MID1: variants seen among roughly 807,000 people sequenced by gnomAD.
MID1 encodes the protein E3 ubiquitin-protein ligase Midline-1.
In MID1, 7 loss-of-function variants were observed where a neutral mutation model predicts 40.4. That is an observed-to-expected ratio of 0.17 (90% CI 0.10 to 0.33). The LOEUF is 0.33. Ranked by LOEUF, MID1 falls within the 10% of genes least tolerant of loss-of-function variation. The probability of loss-of-function intolerance (pLI) is 1.00; values close to 1 mark genes in which losing one functional copy is unlikely to be tolerated. For synonymous variants in MID1, 229 were observed against 221.2 expected (o/e 1.04, Z -0.31); for missense variants, 367 against 558.5 (o/e 0.66, Z 3.46).
At chrX:10,499,052 TC>T (rs752914493) in intron 3 of MID1, among the ~76,000 whole-genome samples, 4 of 112,436 alleles carry the variant, frequency 3.6e-5, no homozygotes, top group Non-Finnish European at 7.5e-5. Context: ...TATTTTATAT[TC>T]CCATCAGAAA....
intron 1 of MID1, among the ~76,000 whole-genome samples, chrX:10,670,222 A>C (rs1039863342): frequency 8.9e-6 from 1 of 112,640 alleles, no homozygotes; most frequent in Non-Finnish European, 1.9e-5. Context: ...TACACAAATT[A>C]AAAAGCAAAC....
intron 1 of MID1, among the ~76,000 whole-genome samples, chrX:10,704,733 T>TACACAC (rs1477790300): frequency 6.1e-5 from 5 of 81,575 alleles, no homozygotes; most frequent in African/African-American, 2.4e-4. Context: ...TATATATATA[T>TACACAC]ATATATACAC....
intron 1 of MID1, among the ~76,000 whole-genome samples, chrX:10,734,963 G>A (rs1456000883): frequency 3.6e-5 from 4 of 112,200 alleles, no homozygotes; most frequent in Non-Finnish European, 7.5e-5. Flanking sequence ...TTCTCATAGT[G>A]ATGAATTGTC....
At chrX:10,608,188 G>A (rs768700624) in intron 1 of MID1, among the ~76,000 whole-genome samples, 1 of 112,219 alleles carries the variant, frequency 8.9e-6, no homozygotes, top group Non-Finnish European at 1.9e-5. Flanking sequence ...TCTGCAATAC[G>A]CTTTGGCAGT....
chrX:10,665,484 C>A (rs1041712954), intron 1 of MID1, among the ~76,000 whole-genome samples: 96 of 109,886 alleles, frequency 8.7e-4, no homozygotes, highest in Non-Finnish European at 4.7e-4. Flanking sequence ...GGCTTCGAGG[C>A]TGCAAACAGT....
rs1296170207 is a variant in MID1 at position 10,561,458 on chromosome X, C to T, written c.660+5430G>A. 1.9e-5 allele frequency among the ~76,000 whole-genome samples: 2 copies of T among 106,840 alleles called. 1 individual carries two copies. Among genetic ancestry groups the T allele is most frequent in the African/African-American group, 7.5e-5 (2 of 26,673 alleles). 92.8% of individuals were successfully genotyped at this position (106,840 alleles called of 115,157 possible). A position where few individuals can be genotyped will look rare whatever the true frequency, so the allele number is the denominator to read the frequency against. ...CCTACAGAATGGGAGAAAAATTTTA[C>T]AATCTACCCATCTGACAAAGGGCTA... On this transcript the variant is annotated intron_variant, in intron 2 of 9. Transcript: ENST00000317552.
intron 8 of MID1, 101 bp downstream of exon 8, chrX:10,459,545 A>AATG: frequency 1.1e-6 from 1 of 942,188 alleles, no homozygotes; most frequent in Non-Finnish European, 1.5e-6. Context: ...GGGGGCTGTC[A>AATG]ATGATACCCA....
At position 10,710,947 on chromosome X, in the gene MID1, G is replaced by A. The variant is rs764065690; in HGVS notation, c.-186-90528C>T. Among the ~76,000 whole-genome samples, 8 of 111,512 alleles carry A rather than the reference G, an allele frequency of 7.2e-5. No individual in the cohort carries two copies. The South Asian group carries it at 3.0e-3, about 42-fold the overall frequency. The stretch of plus-strand genomic sequence containing the variant: ...CTGGAAATATTGTCACCATAACTGT[G>A]GGAGACAGAAACCGGCCATGTCTTT... On this transcript the variant is annotated intron_variant, in intron 1 of 10. Coordinates refer to the MID1 transcript ENST00000380785.
At chrX:10,690,867 T>G (rs887135694) in intron 1 of MID1, among the ~76,000 whole-genome samples, 1 of 112,377 alleles carries the variant, frequency 8.9e-6, no homozygotes, top group Non-Finnish European at 1.9e-5. Flanking sequence ...GAAAGGACTC[T>G]CTTTTATTCT....
At chrX:10,814,925 T>C (rs1482783865) in intron 1 of MID1, among the ~76,000 whole-genome samples, 2 of 111,158 alleles carry the variant, frequency 1.8e-5, no homozygotes, top group Non-Finnish European at 3.8e-5. Context: ...AGATTACCAT[T>C]GTTGGTTTAA....
intron 5 of MID1, among the ~76,000 whole-genome samples, chrX:10,477,486 A>G (rs1217743320): frequency 8.9e-6 from 1 of 112,150 alleles, no homozygotes; most frequent in Non-Finnish European, 1.9e-5. Flanking sequence ...TGATGGAAGG[A>G]AAGATACTTA....
chrX:10,741,704 C>T (rs2043524499), intron 1 of MID1, among the ~76,000 whole-genome samples: 2 of 109,466 alleles, frequency 1.8e-5, no homozygotes, highest in South Asian at 7.8e-4. Flanking sequence ...GGGAAACATT[C>T]TAGTAAAGAA....
intron 1 of MID1, among the ~76,000 whole-genome samples, chrX:10,685,688 G>A (rs774788440): frequency 2.7e-5 from 3 of 111,297 alleles, no homozygotes; most frequent in East Asian, 2.8e-4. Context: ...CACGCTGTCC[G>A]TGCTTTGTTG....
intron 1 of MID1, among the ~76,000 whole-genome samples, chrX:10,568,681 A>G (rs2147471915): frequency 9.0e-6 from 1 of 110,639 alleles, no homozygotes; most frequent in African/African-American, 3.3e-5. Flanking sequence ...AGGCCACCCG[A>G]GGGTGGCCCA....
intron 2 of MID1, among the ~76,000 whole-genome samples, chrX:10,556,056 C>T (rs1272029362): frequency 2.8e-5 from 3 of 107,981 alleles, no homozygotes; most frequent in African/African-American, 1.0e-4. Context: ...CCAGGGCCAA[C>T]TTGCTTCATC....
At chrX:10,664,453 A>G (rs1441467216) in intron 1 of MID1, among the ~76,000 whole-genome samples, 1 of 112,283 alleles carries the variant, frequency 8.9e-6, no homozygotes, top group Non-Finnish European at 1.9e-5. Context: ...TATAGGCATG[A>G]GCCACCACGC....
At chrX:10,635,619 G>GA (rs1267609601) in intron 1 of MID1, among the ~76,000 whole-genome samples, 98 of 109,115 alleles carry the variant, frequency 9.0e-4, no homozygotes, top group Non-Finnish European at 1.6e-3. Context: ...ATTTTACTAA[G>GA]AAAAAAAAAG....
At chrX:10,807,447 T>C (rs953205762) in intron 1 of MID1, among the ~76,000 whole-genome samples, 2 of 111,485 alleles carry the variant, frequency 1.8e-5, no homozygotes, top group Non-Finnish European at 3.8e-5. Context: ...ATTAAAATAT[T>C]GGCCATCCTG....
intron 1 of MID1, among the ~76,000 whole-genome samples, chrX:10,679,449 G>A (rs777599170): frequency 2.9e-4 from 32 of 112,062 alleles, no homozygotes; most frequent in Non-Finnish European, 4.9e-4. Context: ...TATGTCAGGA[G>A]TGGGCAAACT....
Sources: allele counts gnomAD v4.1 joint callset (sites outside exome capture counted in the v4.1 genomes callset), GRCh38; gene constraint gnomAD v4.1.1; transcripts MANE v1.5; gene names NCBI Gene and HGNC (gene_info 2026-07-23, HGNC 2026-07-21).